The following PLA2G5 variants were observed in gnomAD, a reference collection of about 807,000 sequenced individuals.
The protein encoded by PLA2G5 is Ca2+-dependent phospholipase A2.
In PLA2G5, 12 loss-of-function variants were observed where a neutral mutation model predicts 15.9. The ratio of observed to expected loss-of-function variants is 0.76; its 90% CI spans 0.48 to 1.23. The LOEUF (loss-of-function observed/expected upper bound fraction) is 1.23. PLA2G5 is among the 50% of genes most tolerant of loss of function. The pLI is 0.00. For synonymous variants in PLA2G5, 71 were observed against 71.4 expected (o/e 0.99, Z 0.03); for missense variants, 169 against 177.1 (o/e 0.95, Z 0.26).
Position 20,031,733 on chromosome 1 carries a change from G to A in PLA2G5, n.276+3024G>A, listed in dbSNP as rs976304695. Among the ~76,000 whole-genome samples, 4 of 152,118 alleles carry A rather than the reference G, an allele frequency of 2.6e-5. No individual in the cohort carries two copies. In the South Asian group the frequency reaches 8.3e-4, roughly 32 times the overall value. ...TTTTTAGTTTGGAATGGTGTATCCC[G>A]TGTAGAAAGGATGTTAGCTTTCCCG... On this transcript the variant is annotated intron_variant and non_coding_transcript_variant, in intron 1 of 6. Transcript: ENST00000460175.
At chr1:20,090,440 C>G in intron 4 of PLA2G5, 128 bp from the exon 5 acceptor site, 1 of 915,918 alleles carries the variant, frequency 1.1e-6, no homozygotes, top group South Asian at 1.5e-5. Flanking sequence ...TTCTCTATTC[C>G]CCCGATTTAG....
chr1:20,059,764 G>A (rs543266101), intron 2 of PLA2G5: 1 of 152,196 alleles, frequency 6.6e-6, no homozygotes, highest in Non-Finnish European at 1.5e-5. Context: ...AGAATTGAGT[G>A]AGTGGGAAAA....
At chr1:20,040,816 G>A (rs1024684381) in intron 1 of PLA2G5, among the ~76,000 whole-genome samples, 4 of 152,172 alleles carry the variant, frequency 2.6e-5, no homozygotes, top group African/African-American at 9.7e-5. Flanking sequence ...AGATAAATGT[G>A]TATCTGATTG....
chr1:20,057,736 T>C (rs189797904), intron 1 of PLA2G5, among the ~76,000 whole-genome samples: 175 of 152,266 alleles, frequency 1.1e-3, no homozygotes, highest in Admixed American at 2.7e-3. Flanking sequence ...TGACCTCAGG[T>C]GATTCACCTG....
At chr1:20,070,088 C>A, upstream of PLA2G5, 1 of 534,836 alleles carries the variant, frequency 1.9e-6, no homozygotes, top group Non-Finnish European at 2.4e-6. Context: ...TATTTCAGGA[C>A]TCAAATCCAC....
chr1:20,038,698 G>T (rs2013415236), intron 1 of PLA2G5, among the ~76,000 whole-genome samples: 1 of 152,172 alleles, frequency 6.6e-6, no homozygotes, highest in Non-Finnish European at 1.5e-5. Flanking sequence ...AGGATCACTT[G>T]TGCCCAGGAG....
chr1:20,055,755 G>T (rs1303015672), intron 1 of PLA2G5, among the ~76,000 whole-genome samples: 2 of 152,110 alleles, frequency 1.3e-5, no homozygotes, highest in Non-Finnish European at 2.9e-5. Context: ...TCTTAAAGTT[G>T]CAGGAGGTCT....
intron 1 of PLA2G5, 106 bp from the exon 2 acceptor site, chr1:20,084,715 C>T (rs180921786): frequency 5.1e-5 from 39 of 771,910 alleles, no homozygotes; most frequent in Non-Finnish European, 6.8e-5. Context: ...CCCACCATGA[C>T]GGGGAGTGGA....
rs2016529043 is a variant in PLA2G5, at chr1:20,090,706, G to T, written c.*14G>T. 3.1e-6 allele frequency: 5 copies of T among 1,613,806 alleles called. No homozygotes were observed. The South Asian group carries it at 5.5e-5, about 18-fold the overall frequency. On this transcript the variant is annotated 3_prime_UTR_variant, in exon 5 of 5. Transcript: ENST00000375108. ...CTCTGCTCCTAGGCCTCCCCAGCGAGCTCCTCCCAGACCAAGACTTTTGTT... is the reference window on the plus strand; with the variant it reads ...CTCTGCTCCTAGGCCTCCCCAGCGATCTCCTCCCAGACCAAGACTTTTGTT...
intron 1 of PLA2G5, among the ~76,000 whole-genome samples, chr1:20,030,020 A>G (rs1004601768): frequency 6.6e-6 from 1 of 152,226 alleles, no homozygotes; most frequent in East Asian, 1.9e-4. Context: ...TCCAAGTTGA[A>G]TAGTTGTTGA....
chr1:20,044,128 A>C (rs960012740), intron 1 of PLA2G5, among the ~76,000 whole-genome samples: 1 of 152,224 alleles, frequency 6.6e-6, no homozygotes, highest in Non-Finnish European at 1.5e-5. Context: ...TCCTTGGCCC[A>C]GTGGCCAGAT....
intron 1 of PLA2G5, among the ~76,000 whole-genome samples, chr1:20,042,323 G>T (rs376716914): frequency 2.6e-5 from 4 of 152,140 alleles, no homozygotes; most frequent in Non-Finnish European, 5.9e-5. Flanking sequence ...AGGAAAGAAG[G>T]AAATATGGGG....
intron 1 of PLA2G5, among the ~76,000 whole-genome samples, chr1:20,057,241 T>C (rs2014478943): frequency 6.6e-6 from 1 of 152,082 alleles, no homozygotes; most frequent in South Asian, 2.1e-4. Context: ...TTATTTCTTT[T>C]CTTCTACTTA....
chr1:20,063,655 G>C (rs570717447), intron 2 of PLA2G5: 1 of 152,230 alleles, frequency 6.6e-6, no homozygotes, highest in Non-Finnish European at 1.5e-5. Flanking sequence ...GGGAAATGAA[G>C]AGCAAGGCCC....
rs1052210436 is a variant in PLA2G5, at chr1:20,057,499, T to C, written n.277-2133T>C. Among the ~76,000 whole-genome samples the C allele has an allele frequency of 9.2e-5, 14 of 152,176 alleles. 1 individual carries two copies. The highest frequency in any genetic ancestry group is 1.8e-4 in the Non-Finnish European group (12 of 68,028). ...TATTTCTCCTTCCCTTTACTTTTAA[T>C]CTATATATGTCTTTATATTTAAAGA... On this transcript the variant is annotated intron_variant and non_coding_transcript_variant, in intron 1 of 6. Transcript: ENST00000460175.
chr1:20,041,676 G>T (rs2013608353), intron 1 of PLA2G5, among the ~76,000 whole-genome samples: 1 of 152,222 alleles, frequency 6.6e-6, no homozygotes, highest in Non-Finnish European at 1.5e-5. Context: ...TAACCTACAT[G>T]GAAGAGGTTA....
chr1:20,085,786 T>C (rs984500010), intron 2 of PLA2G5, among the ~76,000 whole-genome samples: 9 of 152,116 alleles, frequency 5.9e-5, no homozygotes, highest in Non-Finnish European at 1.2e-4. Flanking sequence ...AGCTGCTAAT[T>C]TGGGGTCCCC....
chr1:20,065,438 C>T (rs551816523), upstream of PLA2G5, among the ~76,000 whole-genome samples: 2 of 152,310 alleles, frequency 1.3e-5, no homozygotes, highest in South Asian at 4.2e-4. Flanking sequence ...TCTGTCCTCC[C>T]AAACCCCTGG....
intron 2 of PLA2G5, among the ~76,000 whole-genome samples, chr1:20,061,451 T>C (rs562688146): frequency 6.6e-6 from 1 of 152,076 alleles, no homozygotes; most frequent in African/African-American, 2.4e-5. Context: ...CTGGATATGA[T>C]GGCACACATC....
Sources: gnomAD v4.1 joint callset for allele counts (sites outside exome capture counted in the v4.1 genomes callset) on GRCh38, gnomAD v4.1.1 for gene constraint, MANE v1.5 for transcripts, NCBI Gene and HGNC (gene_info 2026-07-23, HGNC 2026-07-21) for gene names.